The following SMC2 variants were observed in gnomAD, a reference collection of about 807,000 sequenced individuals.
The protein encoded by SMC2 is structural maintenance of chromosomes protein 2.
SMC2 carries 41 observed loss-of-function variants against 142.6 expected under a neutral mutation model. That is an observed-to-expected ratio of 0.29 (90% CI 0.22 to 0.37). SMC2 has a LOEUF of 0.37. Ranked by LOEUF, SMC2 falls within the 10% of genes least tolerant of loss-of-function variation. The pLI is 1.00. For missense variants in SMC2, 1,265 were observed against 1,373.7 expected (o/e 0.92, Z 1.25); for synonymous variants, 463 against 457.5 (o/e 1.01, Z -0.15).
chr9:104,129,230 C>T (rs546571855), intron 20 of SMC2, among the ~76,000 whole-genome samples: 3 of 152,052 alleles, frequency 2.0e-5, no homozygotes, highest in Admixed American at 6.6e-5. Flanking sequence ...CGCCTAGGCA[C>T]GGTGGCTCAC....
the SMC2 span, among the ~76,000 whole-genome samples, chr9:104,088,649 G>T: frequency 3.4e-5 from 1 of 29,258 alleles, no homozygotes; most frequent in African/African-American, 4.5e-4. Context: ...TGCCTTCTGT[G>T]GATCTCATAC....
At position 104,118,185 on chromosome 9, in the gene SMC2, C is replaced by T. The variant is rs146281336; in HGVS notation, c.1806C>T (p.Asn602=). The T allele has an allele frequency of 1.2e-4, 188 of 1,613,598 alleles. No homozygotes were observed. Among genetic ancestry groups the T allele is most frequent in the Non-Finnish European group, 1.5e-4 (179 of 1,179,696 alleles). Residue 602 remains asparagine (N), a synonymous_variant, in exon 15 of 25, where the codon AAC becomes AAT. Transcript: ENST00000374793. ...RVAQNLVGPD[N]VHVALSLVEY... The stretch of plus-strand genomic sequence containing the variant: ...TTGTCCCACAGGTTGGCCCTGACAA[C>T]GTTCATGTGGCTCTTTCCTTGGTTG...
At chr9:104,098,656 T>G (rs1830755633) in intron 4 of SMC2, 88 bp downstream of exon 4, 1 of 1,315,672 alleles carries the variant, frequency 7.6e-7, no homozygotes, top group Non-Finnish European at 1.0e-6. Context: ...ACTTTATGTT[T>G]TGGATTTTAT....
chr9:104,126,572 G>A, intron 18 of SMC2, 69 bp from the exon 19 acceptor site: 1 of 1,165,412 alleles, frequency 8.6e-7, no homozygotes, highest in Non-Finnish European at 1.2e-6. Flanking sequence ...TTATTTAATT[G>A]TTCTGTACAT....
chr9:104,106,693 C>T (rs1365265259), intron 9 of SMC2, among the ~76,000 whole-genome samples: 1 of 152,138 alleles, frequency 6.6e-6, no homozygotes, highest in Non-Finnish European at 1.5e-5. Context: ...GCGCCTGGTC[C>T]ACATAGGGGA....
chr9:104,107,631 G>A (rs541521126), intron 9 of SMC2, among the ~76,000 whole-genome samples: 4 of 152,294 alleles, frequency 2.6e-5, no homozygotes, highest in African/African-American at 7.2e-5. Context: ...ACCAGCTGTG[G>A]GGCTTCTTTT....
Position 104,111,785 on chromosome 9 carries a change from A to C in SMC2, c.1225A>C (p.Ile409Leu). The change falls in exon 10 of 25, where the codon ATA (isoleucine) becomes CTA (leucine). Residue 409 changes from isoleucine (I) to leucine (L), a missense_variant. By Grantham distance (5) the Ile-to-Leu change is conservative. Around this residue, in one of 4 missense-constraint regions of SMC2, gnomAD observed 898 missense variants for 904.2 expected, o/e 0.99. Transcript: ENST00000374793. ...AGQMMACKND[I>L]SKAQTEAKQA... ...TCAAATGATGGCCTGTAAAAATGATATAAGTAAAGCTCAGACAGAAGCCAA... is the reference window on the plus strand; with the variant it reads ...TCAAATGATGGCCTGTAAAAATGATCTAAGTAAAGCTCAGACAGAAGCCAA... 1 of 1,613,846 alleles carries C rather than the reference A, an allele frequency of 6.2e-7. No individual in the cohort carries two copies. Among genetic ancestry groups the C allele is most frequent in the Non-Finnish European group, 8.5e-7 (1 of 1,179,808 alleles).
intron 9 of SMC2, among the ~76,000 whole-genome samples, chr9:104,104,805 ACT>A (rs1314522018): frequency 6.6e-6 from 1 of 152,170 alleles, no homozygotes; most frequent in Non-Finnish European, 1.5e-5. Flanking sequence ...TGGATATAAC[ACT>A]CTGACTGACA....
In SMC2 at chr9:104,118,172, T is replaced by C; in HGVS notation, c.1793T>C (p.Val598Ala). 1 of 1,613,522 alleles carries C rather than the reference T, an allele frequency of 6.2e-7. No individual in the cohort carries two copies. Among genetic ancestry groups the C allele is most frequent in the Non-Finnish European group, 8.5e-7 (1 of 1,179,506 alleles). The change falls in exon 15 of 25, where the codon GTT (valine) becomes GCT (alanine). Residue 598 changes from valine to alanine, a missense_variant and splice_region_variant. Around this residue, in one of 4 missense-constraint regions of SMC2, gnomAD observed 898 missense variants for 904.2 expected, o/e 0.99. Transcript: ENST00000374793. The part of the protein sequence containing the change: ...PETLRVAQNL[V>A]GPDNVHVALS... Reference sequence around the variant, plus strand: ...GGCATATCTGTTGTTGTCCCACAGGTTGGCCCTGACAACGTTCATGTGGCT... The same window carrying C: ...GGCATATCTGTTGTTGTCCCACAGGCTGGCCCTGACAACGTTCATGTGGCT...
intron 9 of SMC2, among the ~76,000 whole-genome samples, chr9:104,105,073 A>G (rs1831599763): frequency 6.6e-6 from 1 of 152,184 alleles, no homozygotes; most frequent in Non-Finnish European, 1.5e-5. Context: ...TATTCTTCCC[A>G]CTTGTGCTAA....
At chr9:104,126,444 A>T (rs530040684) in intron 18 of SMC2, among the ~76,000 whole-genome samples, 197 bp from the exon 19 acceptor site, 156 of 150,422 alleles carry the variant, frequency 1.0e-3, no homozygotes, top group African/African-American at 3.8e-3. Flanking sequence ...AAAATTACAC[A>T]TACTTTTTTT....
chr9:104,091,472 G>C (rs10761009), upstream of SMC2, among the ~76,000 whole-genome samples: 64,204 of 152,006 alleles, frequency 0.42, 14,095 homozygotes, highest in East Asian at 0.77. Flanking sequence ...TGTGGTGCAC[G>C]AGTGTATTCA....
the SMC2 span, among the ~76,000 whole-genome samples, chr9:104,088,903 C>T: frequency 6.6e-6 from 1 of 151,922 alleles, no homozygotes; most frequent in African/African-American, 2.4e-5. Flanking sequence ...CTATTGAATC[C>T]ACTGATACAT....
rs1835906068 is a variant in SMC2, at chr9:104,139,724, A to G, written c.*409A>G. The G allele has an allele frequency of 6.4e-6, 1 of 156,974 alleles. No individual in the cohort carries two copies. 9.7% of individuals were successfully genotyped at this position (156,974 alleles called of 1,614,324 possible). ...TGTGTTTTCTAAAGTCATTCAGGTAAGGAAGAATTATAAATCAGGTAACTG... is the reference window on the plus strand; with the variant it reads ...TGTGTTTTCTAAAGTCATTCAGGTAGGGAAGAATTATAAATCAGGTAACTG... On this transcript the variant is annotated 3_prime_UTR_variant, in exon 25 of 25. Transcript: ENST00000374793.
At chr9:104,106,950 A>C (rs997711934) in intron 9 of SMC2, among the ~76,000 whole-genome samples, 1 of 152,132 alleles carries the variant, frequency 6.6e-6, no homozygotes, top group Non-Finnish European at 1.5e-5. Flanking sequence ...TGTTTGATGG[A>C]ACTTTCAGTA....
chr9:104,096,047 A>C lies in SMC2; in HGVS notation c.169-101A>C, dbSNP rs181782499. ...GCCTAACCTTGTCTACTTAATGGAC[A>C]CTACGTTGGTGGGTTTTCCAACAGC... On this transcript the variant is annotated intron_variant, in intron 2 of 24. Coordinates refer to ENST00000374793, the MANE Select transcript of SMC2 (RefSeq NM_006444.3). 97 of 1,017,974 alleles carry C rather than the reference A, an allele frequency of 9.5e-5. No individual in the cohort carries two copies. The African/African-American group carries it at 1.4e-3, about 15-fold the overall frequency. The allele number at this position is 1,017,974 out of a possible 1,614,324, so 63.1% of individuals were successfully genotyped here. A position where few individuals can be genotyped will look rare whatever the true frequency, so the allele number is the denominator to read the frequency against.
chr9:104,116,232 A>T lies in SMC2; in HGVS notation c.1704A>T (p.Glu568Asp), dbSNP rs1385676483. ...GTAAAAAGCTACTAGAAAGGGGGGA[A>T]CTGAAACGTCGATACACTATAATTC... is the stretch of plus-strand genomic sequence containing the variant. ...VTGKKLLERG[E>D]LKRRYTIIPL... Residue 568 changes from glutamate to aspartate, a missense_variant, in exon 14 of 25, where the codon GAA (glutamate) becomes GAT (aspartate). This residue lies in a region of SMC2 where 898 missense variants were observed against 904.2 expected (regional missense o/e 0.99). Coordinates refer to ENST00000374793, the MANE Select transcript of SMC2 (RefSeq NM_006444.3). 1 of 1,605,838 alleles carries T rather than the reference A, an allele frequency of 6.2e-7. No individual in the cohort carries two copies. Among genetic ancestry groups the T allele is most frequent in the Non-Finnish European group, 8.5e-7 (1 of 1,177,158 alleles).
intron 9 of SMC2, among the ~76,000 whole-genome samples, chr9:104,106,905 G>A (rs990064778): frequency 6.6e-6 from 1 of 152,202 alleles, no homozygotes; most frequent in South Asian, 2.1e-4. Context: ...TTACTGGCAT[G>A]ATGGTGGCTA....
chr9:104,089,132 A>G, the SMC2 span, among the ~76,000 whole-genome samples: 2 of 152,178 alleles, frequency 1.3e-5, 1 homozygote, highest in African/African-American at 4.8e-5. Flanking sequence ...GTTTATATAG[A>G]GGGAAGAGGT....
Sources: allele counts gnomAD v4.1 joint callset (sites outside exome capture counted in the v4.1 genomes callset), GRCh38; gene constraint gnomAD v4.1.1; regional missense constraint gnomAD v4.1.1; transcripts MANE v1.5; gene names NCBI Gene and HGNC (gene_info 2026-07-23, HGNC 2026-07-21).